The following SDK1 variants were observed in gnomAD, a reference collection of about 807,000 sequenced individuals.
SDK1 encodes sidekick cell adhesion molecule 1.
SDK1 carries 157 observed loss-of-function variants against 245.5 expected under a neutral mutation model. The observed-to-expected ratio is 0.64, with a 90% CI of 0.56 to 0.73. The LOEUF (loss-of-function observed/expected upper bound fraction) is 0.73, where lower values mean the gene tolerates loss of function less well. Ranked by LOEUF, SDK1 falls within the 30% of genes least tolerant of loss-of-function variation. SDK1 has a pLI of 0.00. For synonymous variants in SDK1, 1,647 were observed against 1,278.5 expected, an observed-to-expected ratio of 1.29 and a Z score of -6.15; for missense variants, 3,583 against 3,002.3, an observed-to-expected ratio of 1.19 and a Z score of -4.52.
intron 5 of SDK1, among the ~76,000 whole-genome samples, chr7:3,943,469 G>C (rs1780452119): frequency 2.4e-5 from 1 of 41,558 alleles, no homozygotes; most frequent in South Asian, 7.5e-4. Flanking sequence ...AAAGCTGTGT[G>C]CCCAGCTGCC....
intron 14 of SDK1, among the ~76,000 whole-genome samples, chr7:3,990,749 C>T (rs1583752969): frequency 6.6e-6 from 1 of 152,210 alleles, no homozygotes; most frequent in Non-Finnish European, 1.5e-5. Context: ...GTGGAGTCCT[C>T]TTGTGATGCA....
chr7:4,251,226 C>G (rs1040137823), intron 44 of SDK1, among the ~76,000 whole-genome samples: 1 of 152,044 alleles, frequency 6.6e-6, no homozygotes, highest in Non-Finnish European at 1.5e-5. Context: ...GTCTGGGATC[C>G]CCAAGAGCAC....
In SDK1 at chr7:3,762,367, G is replaced by C. The variant is rs187531598; in HGVS notation, c.714-59083G>C. 2.0e-5 allele frequency among the ~76,000 whole-genome samples: 3 copies of C among 152,260 alleles called. No homozygotes were observed. The East Asian group carries it at 5.8e-4, about 29-fold the overall frequency. ...TGGATAGTCCTGCAGGATGAAGGGC[G>C]GCTCTGCGCCCTCATAGATCTCCTG... is the stretch of plus-strand genomic sequence containing the variant. On this transcript the variant is annotated intron_variant, in intron 4 of 44. Transcript: ENST00000404826.
At chr7:3,779,229 T>G (rs1780653104) in intron 4 of SDK1, among the ~76,000 whole-genome samples, 1 of 152,232 alleles carries the variant, frequency 6.6e-6, no homozygotes, top group Non-Finnish European at 1.5e-5. Flanking sequence ...GAGCTGGAGT[T>G]GGCCAACTTG....
At chr7:3,809,930 T>G (rs1027217098) in intron 4 of SDK1, among the ~76,000 whole-genome samples, 1 of 152,222 alleles carries the variant, frequency 6.6e-6, no homozygotes, top group African/African-American at 2.4e-5. Context: ...TAAGAATGGC[T>G]GGGCCAACGC....
chr7:3,421,389 C>G (rs1442500915), intron 1 of SDK1, among the ~76,000 whole-genome samples: 1 of 152,014 alleles, frequency 6.6e-6, no homozygotes, highest in East Asian at 1.9e-4. Flanking sequence ...ACTCTCACTT[C>G]TAGTTATCAA....
chr7:3,611,339 A>G (rs893494836), intron 1 of SDK1, among the ~76,000 whole-genome samples: 11 of 152,122 alleles, frequency 7.2e-5, no homozygotes, highest in African/African-American at 2.4e-4. Context: ...CCATTCGTTT[A>G]TGTCCTTTTT....
At chr7:3,959,071 CT>C (rs1781475907) in intron 8 of SDK1, 57 bp downstream of exon 8, 7 of 1,303,376 alleles carry the variant, frequency 5.4e-6, no homozygotes, top group Admixed American at 5.1e-5. Context: ...GGGAAACAAC[CT>C]TTTTCCATAG....
At position 3,463,110 on chromosome 7, in the gene SDK1, C is replaced by A. The variant is rs376257409; in HGVS notation, c.299-155970C>A. The stretch of plus-strand genomic sequence containing the variant: ...TCATCAACTTGTTATCTAACTCTAT[C>A]CTGTGCTTTAGATCTTAACACAAGT... On this transcript the variant is annotated intron_variant, in intron 1 of 44. Coordinates refer to ENST00000404826, the MANE Select transcript of SDK1 (RefSeq NM_152744.4). Among the ~76,000 whole-genome samples the A allele has an allele frequency of 1.0e-3, 152 of 152,224 alleles. 1 individual carries two copies. Among genetic ancestry groups the A allele is most frequent in the African/African-American group, 3.5e-3 (144 of 41,552 alleles).
intron 17 of SDK1, among the ~76,000 whole-genome samples, chr7:4,040,170 C>G (rs554634082): frequency 1.3e-5 from 2 of 152,130 alleles, no homozygotes; most frequent in Non-Finnish European, 2.9e-5. Context: ...GGTAATGAGG[C>G]GTGTTCTGAT....
At chr7:3,553,366 C>A (rs905251046) in intron 1 of SDK1, among the ~76,000 whole-genome samples, 20 of 152,128 alleles carry the variant, frequency 1.3e-4, no homozygotes, top group African/African-American at 4.6e-4. Context: ...GTTTCTCCCA[C>A]TTTCTCCCAA....
At chr7:3,980,159 G>C (rs1783281977) in intron 13 of SDK1, among the ~76,000 whole-genome samples, 1 of 152,220 alleles carries the variant, frequency 6.6e-6, no homozygotes, top group Admixed American at 6.5e-5. Flanking sequence ...TAGAAAAAAA[G>C]TACTTATCTG....
At chr7:4,008,722 A>G (rs1344832733) in intron 14 of SDK1, among the ~76,000 whole-genome samples, 3 of 152,344 alleles carry the variant, frequency 2.0e-5, no homozygotes, top group East Asian at 1.9e-4. Context: ...AAGGAAAAAA[A>G]GGGAAAGGGC....
chr7:3,777,110 AC>A (rs1384939645), intron 4 of SDK1, among the ~76,000 whole-genome samples: 1 of 151,836 alleles, frequency 6.6e-6, no homozygotes, highest in Non-Finnish European at 1.5e-5. Flanking sequence ...TTTACTCTCA[AC>A]CCCCTTGGCG....
At chr7:3,747,393 G>A (rs1357237564) in intron 4 of SDK1, among the ~76,000 whole-genome samples, 1 of 151,774 alleles carries the variant, frequency 6.6e-6, no homozygotes, top group Non-Finnish European at 1.5e-5. Context: ...TTTATTGAAG[G>A]CATTCAAAGT....
intron 13 of SDK1, 97 bp from the exon 14 acceptor site, chr7:3,987,089 C>T (rs1466390880): frequency 2.2e-5 from 26 of 1,201,758 alleles, no homozygotes; most frequent in African/African-American, 1.5e-5. Context: ...ATTTCCCAAA[C>T]ATGACACAGC....
intron 4 of SDK1, among the ~76,000 whole-genome samples, chr7:3,806,267 G>A (rs770333520): frequency 1.4e-5 from 2 of 147,066 alleles, no homozygotes; most frequent in Non-Finnish European, 3.0e-5. Flanking sequence ...TCCCATGTGA[G>A]GTAACGTATC....
intron 1 of SDK1, among the ~76,000 whole-genome samples, chr7:3,452,120 T>G (rs1780532797): frequency 6.6e-6 from 1 of 152,008 alleles, no homozygotes; most frequent in Admixed American, 6.5e-5. Flanking sequence ...CTCACATGAT[T>G]AAAGTAAGTT....
At chr7:3,476,821 C>G (rs988760773) in intron 1 of SDK1, among the ~76,000 whole-genome samples, 3 of 152,172 alleles carry the variant, frequency 2.0e-5, no homozygotes, top group African/African-American at 7.2e-5. Flanking sequence ...ACTGGGAACT[C>G]AGGCCTAATC....
Sources: gnomAD v4.1 joint callset for allele counts (sites outside exome capture counted in the v4.1 genomes callset) on GRCh38, gnomAD v4.1.1 for gene constraint, MANE v1.5 for transcripts, NCBI Gene and HGNC (gene_info 2026-07-23, HGNC 2026-07-21) for gene names.